The following GDAP1 variants were observed in gnomAD, a reference collection of about 807,000 sequenced individuals.
The protein encoded by GDAP1 is ganglioside-induced differentiation-associated protein 1.
A neutral mutation model predicts 40.1 loss-of-function variants in GDAP1; 34 were observed. The ratio of observed to expected loss-of-function variants is 0.85; its 90% confidence interval spans 0.64 to 1.13. The LOEUF is 1.13. Ranked by LOEUF, GDAP1 falls within the 50% of genes most tolerant of loss-of-function variation. GDAP1 has a pLI of 0.00. For missense variants in GDAP1, 374 were observed against 433.7 expected, an observed-to-expected ratio of 0.86 and a Z score of 1.22; for synonymous variants, 170 against 157.4, an observed-to-expected ratio of 1.08 and a Z score of -0.60.
chr8:74,385,156 GAGAT>G (rs1337181858), intron 2 of GDAP1, among the ~76,000 whole-genome samples: 1 of 151,888 alleles, frequency 6.6e-6, no homozygotes, highest in Non-Finnish European at 1.5e-5. Flanking sequence ...TATGGATAAA[GAGAT>G]AGGTGGTATA....
At chr8:74,439,189 T>G (rs908153753) in intron 2 of GDAP1, among the ~76,000 whole-genome samples, 1 of 152,084 alleles carries the variant, frequency 6.6e-6, no homozygotes, top group African/African-American at 2.4e-5. Context: ...TATTTTCTAC[T>G]AGTAAGTCTT....
Position 74,350,419 on chromosome 8 carries a change from C to T in GDAP1, c.-43C>T. The T allele has an allele frequency of 8.0e-7, 1 of 1,243,326 alleles. No individual in the cohort carries two copies. The highest frequency in any genetic ancestry group is 1.2e-6 in the Non-Finnish European group (1 of 847,386). 77.0% of individuals were successfully genotyped at this position (1,243,326 alleles called of 1,614,324 possible). ...CGGGGCAGTGTGGGAGGGAGAAGTC[C>T]AGGGCGGACAGGCTGGGCGCACCCG... On this transcript the variant is annotated 5_prime_UTR_variant, in exon 1 of 6. Coordinates refer to ENST00000220822, the MANE Select transcript of GDAP1 (RefSeq NM_018972.4).
At chr8:74,418,153 C>T (rs182271989) in intron 2 of GDAP1, among the ~76,000 whole-genome samples, 17 of 152,260 alleles carry the variant, frequency 1.1e-4, no homozygotes, top group East Asian at 3.9e-4. Context: ...ATCAAAATCC[C>T]GGCAGATGTT....
intron 2 of GDAP1, among the ~76,000 whole-genome samples, chr8:74,374,002 C>G (rs1205678123): frequency 6.6e-6 from 1 of 152,172 alleles, no homozygotes; most frequent in Non-Finnish European, 1.5e-5. Context: ...TTTTCTGCAT[C>G]TACTGAGATA....
intron 2 of GDAP1, among the ~76,000 whole-genome samples, chr8:74,477,694 A>G (rs1806648940): frequency 6.6e-6 from 1 of 152,174 alleles, no homozygotes; most frequent in Non-Finnish European, 1.5e-5. Context: ...ACTGCTGGTC[A>G]CAACACTCTA....
intron 2 of GDAP1, among the ~76,000 whole-genome samples, chr8:74,449,032 G>T (rs999791861): frequency 2.0e-5 from 3 of 151,930 alleles, no homozygotes; most frequent in Middle Eastern, 3.2e-3. Flanking sequence ...TGTGTATGGT[G>T]TGAAGGAGGC....
At chr8:74,355,158 A>T (rs1296518442) in intron 2 of GDAP1, among the ~76,000 whole-genome samples, 1 of 152,188 alleles carries the variant, frequency 6.6e-6, no homozygotes, top group African/African-American at 2.4e-5. Context: ...TATCTGTTGG[A>T]TAATGGCTGT....
At chr8:74,433,744 G>T (rs1218696353) in intron 2 of GDAP1, among the ~76,000 whole-genome samples, 1 of 152,184 alleles carries the variant, frequency 6.6e-6, no homozygotes, top group Non-Finnish European at 1.5e-5. Context: ...GCCTGGAAGG[G>T]ATGTGCCACA....
In GDAP1 at chr8:74,350,515, C is replaced by T. The variant is rs1203677389; in HGVS notation, c.54C>T (p.Gly18=). 2 of 1,613,804 alleles carry T rather than the reference C, an allele frequency of 1.2e-6. No individual in the cohort carries two copies. The highest frequency in any genetic ancestry group is 1.7e-6 in the Non-Finnish European group (2 of 1,179,716). The part of the protein sequence containing the change: ...QRGSPPLRAE[G]KADAEVKLIL... ...GGAGCCCGCCCTTGAGGGCGGAAGG[C>T]AAGGCCGACGCGGAGGTTAAGCTCA... Residue 18 remains glycine (G), a synonymous_variant, in exon 1 of 6, where the codon GGC becomes GGT. Coordinates refer to ENST00000220822, the MANE Select transcript of GDAP1 (RefSeq NM_018972.4).
chr8:74,416,185 G>A (rs1043652344), intron 2 of GDAP1, among the ~76,000 whole-genome samples: 19 of 150,084 alleles, frequency 1.3e-4, no homozygotes, highest in Middle Eastern at 6.8e-3. Flanking sequence ...TGTGCCATAT[G>A]TGGGAAGCCA....
At chr8:74,356,859 C>T (rs990457554) in intron 2 of GDAP1, among the ~76,000 whole-genome samples, 75 of 151,244 alleles carry the variant, frequency 5.0e-4, no homozygotes, top group Non-Finnish European at 4.4e-4. Context: ...GGACTATAGG[C>T]GCGCACCACC....
At chr8:74,385,445 T>G (rs1482800981) in intron 2 of GDAP1, among the ~76,000 whole-genome samples, 1 of 152,210 alleles carries the variant, frequency 6.6e-6, no homozygotes, top group Non-Finnish European at 1.5e-5. Flanking sequence ...TTTCTGCTCC[T>G]GTGTTAGTTT....
rs957234155 is a variant in GDAP1, at chr8:74,366,740, C to A, written c.*2373C>A. 2.2e-6 allele frequency: 1 copy of A among 453,194 alleles called. No homozygotes were observed. The highest frequency in any genetic ancestry group is 2.0e-5 in the African/African-American group (1 of 49,904). 28.1% of individuals were successfully genotyped at this position (453,194 alleles called of 1,614,324 possible). A position where few individuals can be genotyped will look rare whatever the true frequency, so the allele number is the denominator to read the frequency against. On this transcript the variant is annotated 3_prime_UTR_variant, in exon 6 of 6. Coordinates refer to ENST00000220822, the MANE Select transcript of GDAP1 (RefSeq NM_018972.4). ...ATTGCGGATAGTCATAAATTGCTTG[C>A]TCAATTTTTAGTAATTATTGCTGTT...
At chr8:74,422,352 C>CCTTCCTTCCTTCCTT (rs1245003353) in intron 2 of GDAP1, among the ~76,000 whole-genome samples, 4 of 34,226 alleles carry the variant, frequency 1.2e-4, no homozygotes, top group African/African-American at 2.1e-4. Context: ...TTTCTTTCTT[C>CCTTCCTTCCTTCCTT]CCTTCCTTCC....
chr8:74,383,972 A>G (rs1476517849), intron 2 of GDAP1, among the ~76,000 whole-genome samples: 2 of 152,176 alleles, frequency 1.3e-5, no homozygotes, highest in Non-Finnish European at 2.9e-5. Context: ...ACACGCATGA[A>G]TTCAACCCTT....
chr8:74,379,245 C>T (rs149356836), intron 2 of GDAP1, among the ~76,000 whole-genome samples: 27 of 147,286 alleles, frequency 1.8e-4, no homozygotes, highest in African/African-American at 6.8e-4. Context: ...GGAGTAAGAG[C>T]CACTGTGTAG....
chr8:74,378,369 C>T (rs530370024), intron 2 of GDAP1, among the ~76,000 whole-genome samples: 2 of 152,252 alleles, frequency 1.3e-5, no homozygotes, highest in Admixed American at 6.5e-5. Flanking sequence ...CTGAGCTCAG[C>T]GTTCTTTACC....
At chr8:74,353,965 ACTGT>A (rs1287361112) in intron 2 of GDAP1, among the ~76,000 whole-genome samples, 2 of 152,250 alleles carry the variant, frequency 1.3e-5, no homozygotes, top group East Asian at 1.9e-4. Flanking sequence ...CTTCTAAAAA[ACTGT>A]CTATTATGTG....
In GDAP1 at chr8:74,360,814, C is replaced by T. The variant is rs183611299; in HGVS notation, c.484+504C>T. Among the ~76,000 whole-genome samples, 55 of 152,302 alleles carry T rather than the reference C, an allele frequency of 3.6e-4. No homozygotes were observed. The East Asian group carries it at 0.011, about 29-fold the overall frequency. On this transcript the variant is annotated intron_variant, in intron 3 of 5. Transcript: ENST00000220822. ...TGACATCCAGCTTTCTGCCTTCCTC[C>T]TGTCATGAGAATAGTCAGTGCATGA...
Sources: allele counts gnomAD v4.1 joint callset (sites outside exome capture counted in the v4.1 genomes callset), GRCh38; gene constraint gnomAD v4.1.1; transcripts MANE v1.5; gene names NCBI Gene and HGNC (gene_info 2026-07-23, HGNC 2026-07-21).